The following ATP11A variants were observed in gnomAD, a reference collection of about 807,000 sequenced individuals.
ATP11A encodes the protein phospholipid-transporting ATPase IH.
Under a neutral mutation model 154.4 loss-of-function variants are expected in ATP11A, and 81 were observed. The ratio of observed to expected loss-of-function variants is 0.52; its 90% CI spans 0.44 to 0.63. The LOEUF is 0.63. ATP11A is among the 30% of genes least tolerant of loss of function. The pLI is 0.00. For missense variants in ATP11A, 1,316 were observed against 1,474.3 expected (o/e 0.89, Z 1.76); for synonymous variants, 623 against 585.9 (o/e 1.06, Z -0.91).
At chr13:112,833,823 T>C (rs2079160279) in intron 14 of ATP11A, among the ~76,000 whole-genome samples, 1 of 152,200 alleles carries the variant, frequency 6.6e-6, no homozygotes, top group South Asian at 2.1e-4. Context: ...TGCCCAGGAA[T>C]GCCACTGCCT....
intron 26 of ATP11A, among the ~76,000 whole-genome samples, chr13:112,873,106 GGTGTGGCTTTGTCTTCCTGAA>G (rs2080587831): frequency 8.7e-6 from 1 of 114,418 alleles, no homozygotes; most frequent in Non-Finnish European, 1.8e-5. Flanking sequence ...AATGGTGTGA[GGTGTGGCTTTGTCTTCCTGAA>G]CGGTGTGAGG....
intron 16 of ATP11A, among the ~76,000 whole-genome samples, chr13:112,836,871 C>T (rs1365318719): frequency 6.6e-6 from 1 of 152,218 alleles, no homozygotes; most frequent in Non-Finnish European, 1.5e-5. Context: ...TGACCTGTGG[C>T]TGCCCCTGTC....
At chr13:112,722,453 G>A (rs985491581) in intron 1 of ATP11A, among the ~76,000 whole-genome samples, 3 of 152,112 alleles carry the variant, frequency 2.0e-5, no homozygotes, top group Admixed American at 6.5e-5. Context: ...CTTTATCAGG[G>A]TAGCGAGTTT....
chr13:112,739,433 A>C (rs958631339), intron 1 of ATP11A, among the ~76,000 whole-genome samples: 2 of 152,250 alleles, frequency 1.3e-5, no homozygotes, highest in Non-Finnish European at 2.9e-5. Context: ...CTTCATACCC[A>C]CTAAGAGGGC....
Position 112,785,128 on chromosome 13 carries a change from T to G in ATP11A, c.40-7T>G. 1 of 1,483,414 alleles carries G rather than the reference T, an allele frequency of 6.7e-7. No homozygotes were observed. Among genetic ancestry groups the G allele is most frequent in the East Asian group, 2.6e-5 (1 of 38,332 alleles). The allele number at this position is 1,483,414 out of a possible 1,614,324, so 91.9% of individuals were successfully genotyped here. ...GCAGCTGCCTAACACCGCTCTCCTT[T>G]CCGCAGTGTGCAGGAGAAGAGAATT... On this transcript the variant is annotated splice_polypyrimidine_tract_variant and splice_region_variant and intron_variant, in intron 1 of 29. Transcript: ENST00000375645. This position sits in a 1 kb window ranked among gnomAD's most constrained non-coding sequence, Gnocchi z 4.8.
chr13:112,734,884 C>G (rs1349811913), intron 1 of ATP11A, among the ~76,000 whole-genome samples: 1 of 152,112 alleles, frequency 6.6e-6, no homozygotes, highest in Non-Finnish European at 1.5e-5. Context: ...TTCCAGCAGG[C>G]CTTGTCAGCG....
At chr13:112,735,795 G>C (rs762635315) in intron 1 of ATP11A, among the ~76,000 whole-genome samples, 2 of 152,218 alleles carry the variant, frequency 1.3e-5, no homozygotes, top group Non-Finnish European at 2.9e-5. Flanking sequence ...ACATTTCTCA[G>C]TGTAAAGTTA....
At chr13:112,714,941 T>TC (rs1225125481) in intron 1 of ATP11A, among the ~76,000 whole-genome samples, 1 of 151,724 alleles carries the variant, frequency 6.6e-6, no homozygotes, top group African/African-American at 2.4e-5. Context: ...CTCTCCTCCT[T>TC]CCCCCTTCCC....
At chr13:112,860,193 A>T (rs1035103324) in intron 23 of ATP11A, 94 bp from the exon 24 acceptor site, 30 of 1,407,716 alleles carry the variant, frequency 2.1e-5, no homozygotes, top group Non-Finnish European at 2.7e-5. Flanking sequence ...TGGTCTTTCT[A>T]TGCATTTCAG....
chr13:112,805,922 C>T (rs1045029110), intron 3 of ATP11A, among the ~76,000 whole-genome samples: 9 of 151,816 alleles, frequency 5.9e-5, no homozygotes, highest in Admixed American at 5.9e-4. Context: ...AAATGTGACA[C>T]TGAGGCCGTG....
At chr13:112,729,253 G>C (rs1890225347) in intron 1 of ATP11A, among the ~76,000 whole-genome samples, 1 of 152,174 alleles carries the variant, frequency 6.6e-6, no homozygotes, top group South Asian at 2.1e-4. Context: ...CTTATGACAG[G>C]CCACCTCGTT....
intron 2 of ATP11A, among the ~76,000 whole-genome samples, chr13:112,790,323 C>T (rs2077812108): frequency 6.6e-6 from 1 of 151,942 alleles, no homozygotes; most frequent in Non-Finnish European, 1.5e-5. Flanking sequence ...CGTGTAGACC[C>T]CTGTGTAGAC....
chr13:112,852,264 TC>T (rs2079787855), intron 18 of ATP11A, among the ~76,000 whole-genome samples: 1 of 152,342 alleles, frequency 6.6e-6, no homozygotes, highest in African/African-American at 2.4e-5. Context: ...GTTAAAGGCA[TC>T]AAGTTTGAAA....
At chr13:112,695,973 A>G (rs1256137172) in intron 1 of ATP11A, among the ~76,000 whole-genome samples, 3 of 152,234 alleles carry the variant, frequency 2.0e-5, no homozygotes, top group African/African-American at 7.2e-5. Flanking sequence ...GGATATTATT[A>G]TCTGAGAAGA....
intron 1 of ATP11A, among the ~76,000 whole-genome samples, chr13:112,715,084 T>C (rs941809914): frequency 6.6e-6 from 1 of 152,196 alleles, no homozygotes; most frequent in African/African-American, 2.4e-5. Flanking sequence ...GTCCCTGTGT[T>C]GTAGCCTGTA....
In ATP11A at chr13:112,818,182, C is replaced by T. The variant is rs898545485; in HGVS notation, c.571-1122C>T. ...GTGCGCTTGGTGACAGGGCGGTGAC[C>T]GTCGGTGCGCTTGGTGACGGGCAGT... On this transcript the variant is annotated intron_variant, in intron 6 of 29. Transcript: ENST00000375645. Among the ~76,000 whole-genome samples the T allele has an allele frequency of 5.4e-5, 8 of 147,552 alleles. No individual in the cohort carries two copies. In the East Asian group the frequency reaches 1.4e-3, roughly 26 times the overall value.
chr13:112,693,578 A>G (rs1885445423), intron 1 of ATP11A, among the ~76,000 whole-genome samples: 1 of 151,646 alleles, frequency 6.6e-6, no homozygotes, highest in Admixed American at 6.6e-5. Flanking sequence ...GGAGTAGTGT[A>G]TGTGCTATGG....
At chr13:112,858,090 C>T in intron 21 of ATP11A, 55 bp from the exon 22 acceptor site, 1 of 1,597,814 alleles carries the variant, frequency 6.3e-7, no homozygotes, top group African/African-American at 1.3e-5. Context: ...CCGTCCCTGC[C>T]CTGTGTGTGG....
At chr13:112,819,738 A>G (rs2140198710) in intron 7 of ATP11A, among the ~76,000 whole-genome samples, 162 bp from the exon 8 acceptor site, 1 of 152,366 alleles carries the variant, frequency 6.6e-6, no homozygotes, top group East Asian at 1.9e-4. Context: ...TGATCAGAAC[A>G]GAAAGTACGA....
Sources: gnomAD v4.1 joint callset for allele counts (sites outside exome capture counted in the v4.1 genomes callset) on GRCh38, gnomAD v4.1.1 for gene constraint, Gnocchi (gnomAD v3.1) non-coding constraint, MANE v1.5 for transcripts, NCBI Gene and HGNC (gene_info 2026-07-23, HGNC 2026-07-21) for gene names.